Variants in PIK3R1 observed in about 807,000 individuals in gnomAD.
PIK3R1 encodes the protein phosphatidylinositol 3-kinase regulatory subunit alpha.
A neutral mutation model predicts 98.0 loss-of-function variants in PIK3R1; 29 were observed. The ratio of observed to expected loss-of-function variants is 0.30; its 90% CI spans 0.22 to 0.40. The LOEUF is 0.40. PIK3R1 is among the 10% of genes least tolerant of loss of function. The pLI is 1.00. For synonymous variants in PIK3R1, 282 were observed against 311.8 expected, an observed-to-expected ratio of 0.90 and a Z score of 1.01; for missense variants, 596 against 872.7, an observed-to-expected ratio of 0.68 and a Z score of 3.99.
At chr5:68,278,054 T>G (rs1746655224) in intron 4 of PIK3R1, among the ~76,000 whole-genome samples, 1 of 152,092 alleles carries the variant, frequency 6.6e-6, no homozygotes, top group Non-Finnish European at 1.5e-5. Context: ...AGGCCCATGG[T>G]CACCCCTGCC....
chr5:68,277,738 A>G (rs1297218519), intron 4 of PIK3R1, among the ~76,000 whole-genome samples: 3 of 152,196 alleles, frequency 2.0e-5, no homozygotes, highest in Non-Finnish European at 4.4e-5. Context: ...CCACAGCCCA[A>G]TGCAGTCAAT....
rs1554048918 is a variant in PIK3R1 at position 68,272,265 on chromosome 5, A to AAAG, written c.335-1123_335-1122insGAA. ...GAGACCCTGTCTCAAAAAAAAAAAA[A>AAAG]AAAAAGAAAAAGGAAATTTGTTTAC... is the stretch of plus-strand genomic sequence containing the variant. On this transcript the variant is annotated intron_variant, in intron 2 of 15. Transcript: ENST00000521381. Among the ~76,000 whole-genome samples, 50 of 146,248 alleles carry AAAG rather than the reference A, an allele frequency of 3.4e-4. 1 individual carries two copies. The highest frequency in any genetic ancestry group is 3.4e-4 in the Non-Finnish European group (23 of 67,204).
Position 68,271,452 on chromosome 5 carries a change from C to G in PIK3R1, c.335-1938C>G, listed in dbSNP as rs536279833. Among the ~76,000 whole-genome samples, 10 of 152,284 alleles carry G rather than the reference C, an allele frequency of 6.6e-5. 1 individual carries two copies. The East Asian group carries it at 1.2e-3, about 18-fold the overall frequency. ...CAGGGATAGCTTTAGAGTGGGATCTCTAACACAAAGCTGACTCGGGAATCT... is the reference window on the plus strand; with the variant it reads ...CAGGGATAGCTTTAGAGTGGGATCTGTAACACAAAGCTGACTCGGGAATCT... On this transcript the variant is annotated intron_variant, in intron 2 of 15. Transcript: ENST00000521381.
intron 4 of PIK3R1, among the ~76,000 whole-genome samples, chr5:68,275,235 C>G (rs1229970595): frequency 6.6e-6 from 1 of 152,174 alleles, no homozygotes; most frequent in Non-Finnish European, 1.5e-5. Context: ...TCCTGCACTT[C>G]CCACAGAGCA....
At position 68,299,748 on chromosome 5, in the gene PIK3R1, G is replaced by T. The variant is rs187593797; in HGVS notation, c.*2147G>T. On this transcript the variant is annotated 3_prime_UTR_variant, in exon 16 of 16. Transcript: ENST00000521381. ...TTTTGAAAGAATCAGTCTTGCAGCTGAGTGAAAAATCTGTGGAATGTATTA... is the reference window on the plus strand; with the variant it reads ...TTTTGAAAGAATCAGTCTTGCAGCTTAGTGAAAAATCTGTGGAATGTATTA... 6.9e-5 allele frequency: 16 copies of T among 233,160 alleles called. No homozygotes were observed. The highest frequency in any genetic ancestry group is 8.5e-5 in the Non-Finnish European group (10 of 117,994). The allele number at this position is 233,160 out of a possible 1,614,324, so 14.4% of individuals were successfully genotyped here.
intron 1 of PIK3R1, among the ~76,000 whole-genome samples, chr5:68,223,701 C>G (rs1206020521): frequency 3.9e-5 from 6 of 152,218 alleles, no homozygotes; most frequent in Non-Finnish European, 8.8e-5. Context: ...GGGATTGCCT[C>G]TCTGGTGTCT....
At chr5:68,281,078 A>C in intron 7 of PIK3R1, 72 bp downstream of exon 7, 1 of 956,152 alleles carries the variant, frequency 1.0e-6, no homozygotes, top group Non-Finnish European at 1.6e-6. Flanking sequence ...ATGGCTATAA[A>C]CCTCCTTTGA....
At chr5:68,222,594 A>G (rs1744129463) in intron 1 of PIK3R1, among the ~76,000 whole-genome samples, 1 of 151,776 alleles carries the variant, frequency 6.6e-6, no homozygotes, top group Non-Finnish European at 1.5e-5. Flanking sequence ...ACACATTTTA[A>G]TGAAGTCTCT....
chr5:68,279,533 C>A, intron 4 of PIK3R1, 69 bp from the exon 5 acceptor site: 5 of 1,190,338 alleles, frequency 4.2e-6, no homozygotes, highest in South Asian at 1.5e-5. Context: ...TCAAATTGTT[C>A]AGAAAATTAG....
chr5:68,252,726 G>A (rs77605432), intron 2 of PIK3R1, among the ~76,000 whole-genome samples: 3,079 of 152,178 alleles, frequency 0.02, 81 homozygotes, highest in African/African-American at 0.068. Flanking sequence ...CCCAATTTTG[G>A]GGGTGGGAAG....
intron 7 of PIK3R1, among the ~76,000 whole-genome samples, chr5:68,283,168 T>C (rs1483585539): frequency 6.6e-6 from 1 of 152,178 alleles, no homozygotes; most frequent in African/African-American, 2.4e-5. Context: ...GCACCTTACA[T>C]CTCCAGCGAA....
At chr5:68,243,602 C>T (rs749891116) in intron 2 of PIK3R1, among the ~76,000 whole-genome samples, 5 of 152,228 alleles carry the variant, frequency 3.3e-5, no homozygotes, top group African/African-American at 9.6e-5. Flanking sequence ...TGTAAACCAA[C>T]TGCAAACAAG....
intron 2 of PIK3R1, among the ~76,000 whole-genome samples, chr5:68,272,658 A>G (rs1366011402): frequency 3.3e-5 from 5 of 152,354 alleles, no homozygotes; most frequent in Admixed American, 2.0e-4. Context: ...GTTAAAACGC[A>G]TGCAAAAAGT....
At chr5:68,250,476 A>G (rs977216159) in intron 2 of PIK3R1, among the ~76,000 whole-genome samples, 3 of 152,204 alleles carry the variant, frequency 2.0e-5, no homozygotes, top group Non-Finnish European at 4.4e-5. Context: ...ACTTAGACAT[A>G]TAATAGAAGC....
chr5:68,280,358 T>C, intron 5 of PIK3R1, 170 bp from the exon 6 acceptor site: 3 of 620,136 alleles, frequency 4.8e-6, no homozygotes, highest in Non-Finnish European at 8.6e-6. Context: ...TACTTTCTCA[T>C]AATGCGTTTT....
chr5:68,272,078 C>A (rs950059481), intron 2 of PIK3R1, among the ~76,000 whole-genome samples: 1 of 151,656 alleles, frequency 6.6e-6, no homozygotes, highest in Non-Finnish European at 1.5e-5. Context: ...TGGCAAAACC[C>A]CGTCTCTACT....
intron 2 of PIK3R1, among the ~76,000 whole-genome samples, chr5:68,240,965 G>A (rs1039847089): frequency 8.5e-5 from 13 of 152,156 alleles, no homozygotes; most frequent in African/African-American, 2.2e-4. Flanking sequence ...AGATGATGAC[G>A]AGTCTCTTGA....
chr5:68,292,582 T>A, intron 8 of PIK3R1: 3 of 1,480,844 alleles, frequency 2.0e-6, no homozygotes, highest in Non-Finnish European at 1.8e-6. Flanking sequence ...TTGACAGAGA[T>A]GTCAGTGAAG....
At chr5:68,294,413 A>T in intron 11 of PIK3R1, 123 bp from the exon 12 acceptor site, 1 of 605,226 alleles carries the variant, frequency 1.7e-6, no homozygotes, top group Non-Finnish European at 2.6e-6. Flanking sequence ...TACTGTTTTA[A>T]TGGATTTTAT....
Sources: allele counts gnomAD v4.1 joint callset (sites outside exome capture counted in the v4.1 genomes callset), GRCh38; gene constraint gnomAD v4.1.1; transcripts MANE v1.5; gene names NCBI Gene and HGNC (gene_info 2026-07-23, HGNC 2026-07-21).